Variants in OPALIN observed in about 807,000 individuals in gnomAD.
OPALIN encodes oligodendrocytic myelin paranodal and inner loop protein, also known as transmembrane protein 10.
Under a neutral mutation model 17.8 loss-of-function variants are expected in OPALIN, and 15 were observed. The observed-to-expected ratio is 0.84, with a 90% CI of 0.56 to 1.29. The LOEUF is 1.29. OPALIN is among the 50% of genes most tolerant of loss of function. The pLI is 0.00. For synonymous variants in OPALIN, 62 were observed against 63.8 expected (o/e 0.97, Z 0.14); for missense variants, 170 against 176.0 (o/e 0.97, Z 0.19).
Position 96,354,862 on chromosome 10 carries a change from G to A in OPALIN, c.39+393C>T, listed in dbSNP as rs538599487. Among the ~76,000 whole-genome samples the A allele has an allele frequency of 5.5e-4, 84 of 152,086 alleles. 2 individuals carry two copies. Among genetic ancestry groups the A allele is most frequent in the African/African-American group, 1.9e-3 (80 of 41,444 alleles). ...TATAATCCCAGCACTTTGGGAGGCTGAGGTGGGCGGATCACCTGAGGTCAG... is the reference window on the plus strand; with the variant it reads ...TATAATCCCAGCACTTTGGGAGGCTAAGGTGGGCGGATCACCTGAGGTCAG... On this transcript the variant is annotated intron_variant, in intron 2 of 5. Coordinates refer to ENST00000371172, the MANE Select transcript of OPALIN (RefSeq NM_033207.5).
intron 4 of OPALIN, among the ~76,000 whole-genome samples, 163 bp from the exon 5 acceptor site, chr10:96,348,508 C>A (rs1845435608): frequency 6.6e-6 from 1 of 152,100 alleles, no homozygotes; most frequent in Non-Finnish European, 1.5e-5. Flanking sequence ...ACCCCTCAAA[C>A]CAAACCAAAC....
In OPALIN at chr10:96,353,501, A is replaced by C. The variant is rs748297341; in HGVS notation, c.39+1754T>G. 6.4e-6 allele frequency: 9 copies of C among 1,406,810 alleles called. No individual in the cohort carries two copies. In the Admixed American group the frequency reaches 1.0e-4, roughly 16 times the overall value. 87.1% of individuals were successfully genotyped at this position (1,406,810 alleles called of 1,614,324 possible). ...ACTTTCAGTGCTAAAAACAGACAAC[A>C]CCAGGCAAAGCAAAATGGTTGGTTG... On this transcript the variant is annotated intron_variant, in intron 2 of 5. Coordinates refer to ENST00000371172, the MANE Select transcript of OPALIN (RefSeq NM_033207.5).
chr10:96,355,837 G>A (rs545836432), intron 1 of OPALIN, among the ~76,000 whole-genome samples: 1 of 152,184 alleles, frequency 6.6e-6, no homozygotes, highest in African/African-American at 2.4e-5. Flanking sequence ...GTGGCCAGGA[G>A]GACAGGGGAA....
intron 2 of OPALIN, among the ~76,000 whole-genome samples, 142 bp downstream of exon 2, chr10:96,355,096 CAAAAAAAAAAAAAAAAA>C (rs56995726): frequency 0.012 from 553 of 45,186 alleles, 8 homozygotes; most frequent in African/African-American, 0.047. Context: ...GACCTTGTCT[CAAAAAAAAAAAAAAAAA>C]AAAAAAAAAA....
At chr10:96,352,345 A>C (rs1845620062) in intron 2 of OPALIN, among the ~76,000 whole-genome samples, 4 of 152,046 alleles carry the variant, frequency 2.6e-5, no homozygotes. Context: ...ATTTTACAAA[A>C]AAAAAATGTA....
intron 2 of OPALIN, among the ~76,000 whole-genome samples, chr10:96,352,879 C>T (rs1845645493): frequency 6.6e-6 from 1 of 152,212 alleles, no homozygotes; most frequent in South Asian, 2.1e-4. Context: ...CTGATGTTTG[C>T]TTCTCTCTTT....
Position 96,346,107 on chromosome 10 carries a change from C to T in OPALIN, c.260G>A (p.Arg87Lys). Residue 87 changes from arginine (R) to lysine (K), a missense_variant, in exon 6 of 6, where the codon AGA becomes AAA. By Grantham distance (26) the Arg-to-Lys change is conservative. Coordinates refer to ENST00000371172, the MANE Select transcript of OPALIN (RefSeq NM_033207.5). The stretch of plus-strand genomic sequence containing the variant: ...CGTATTCTTCTCATGTGTGGGTGAT[C>T]TCCTAGGATTCTTAAGGAAACAAAT... ...DNPKISENPRRSPTHEKNTMG... is the reference protein window; with the variant it reads ...DNPKISENPRKSPTHEKNTMG... 1 of 1,613,540 alleles carries T rather than the reference C, an allele frequency of 6.2e-7. No homozygotes were observed. The highest frequency in any genetic ancestry group is 1.1e-5 in the South Asian group (1 of 90,890).
chr10:96,349,478 C>T (rs1457709502), intron 4 of OPALIN, among the ~76,000 whole-genome samples: 2 of 152,214 alleles, frequency 1.3e-5, no homozygotes, highest in Non-Finnish European at 2.9e-5. Context: ...ACCCCAAATA[C>T]CATCTTTGTC....
Position 96,345,204 on chromosome 10 carries a change from A to G in OPALIN, c.*737T>C, listed in dbSNP as rs1845263293. ...AGAAGGTGGTAGAGAGAGAGAACTA[A>G]CATTTTGACTGGCAACTAAGTAGCA... On this transcript the variant is annotated 3_prime_UTR_variant, in exon 6 of 6. Transcript: ENST00000371172. 1 of 152,244 alleles carries G rather than the reference A, an allele frequency of 6.6e-6. No individual in the cohort carries two copies. The highest frequency in any genetic ancestry group is 2.1e-4 in the South Asian group (1 of 4,834). The allele number at this position is 152,244 out of a possible 1,614,324, so 9.4% of individuals were successfully genotyped here. A position where few individuals can be genotyped will look rare whatever the true frequency, so the allele number is the denominator to read the frequency against.
At chr10:96,346,545 TG>T (rs1181423136) in intron 5 of OPALIN, among the ~76,000 whole-genome samples, 1 of 152,248 alleles carries the variant, frequency 6.6e-6, no homozygotes, top group Non-Finnish European at 1.5e-5. Context: ...ACATTTAATG[TG>T]ATCATTGATA....
chr10:96,346,389 C>T lies in OPALIN; in HGVS notation c.250-272G>A, dbSNP rs548205434. On this transcript the variant is annotated intron_variant, in intron 5 of 5. Transcript: ENST00000371172. ...TCAACTATCTTTTGTTTATTGTTAACAAAGTTTCTCATTTTTTGTCTTTTA... is the reference window on the plus strand; with the variant it reads ...TCAACTATCTTTTGTTTATTGTTAATAAAGTTTCTCATTTTTTGTCTTTTA... Among the ~76,000 whole-genome samples the T allele has an allele frequency of 2.3e-4, 35 of 152,306 alleles. No homozygotes were observed. In the South Asian group the frequency reaches 6.4e-3, roughly 28 times the overall value.
rs1350136923 is a variant in OPALIN at position 96,358,934 on chromosome 10, C to T, written c.-38G>A. 3.1e-6 allele frequency: 5 copies of T among 1,611,896 alleles called. No homozygotes were observed. The highest frequency in any genetic ancestry group is 2.2e-5 in the South Asian group (2 of 91,018). On this transcript the variant is annotated 5_prime_UTR_variant, in exon 1 of 6. Transcript: ENST00000371172. ...CCCAGGAACCTTCTTCGTACACTGC[C>T]TTTGGTAAGCTCCTTTCTCACTGGC...
In OPALIN at chr10:96,346,047, G is replaced by A; in HGVS notation, c.320C>T (p.Thr107Ile). The A allele has an allele frequency of 6.2e-7, 1 of 1,614,096 alleles. No homozygotes were observed. Among genetic ancestry groups the A allele is most frequent in the South Asian group, 1.1e-5 (1 of 91,074 alleles). The change falls in exon 6 of 6, where the codon ACT becomes ATT. Residue 107 changes from threonine (T) to isoleucine (I), a missense_variant. Coordinates refer to ENST00000371172, the MANE Select transcript of OPALIN (RefSeq NM_033207.5). ...CACAGGTTCCTCGCTTCCTGCTACA[G>A]TCTTCACATATATGTGGGCCTCTTG... ...GAQEAHIYVK[T>I]VAGSEEPVHD...
chr10:96,343,273 T>C lies in OPALIN; in HGVS notation c.*2668A>G, dbSNP rs1181624481. Reference sequence around the variant, plus strand: ...TTTCACTTCATTCCAACATAAGTTCTTGTGTATCATAGCAGAAGTAAATGA... The same window carrying C: ...TTTCACTTCATTCCAACATAAGTTCCTGTGTATCATAGCAGAAGTAAATGA... On this transcript the variant is annotated 3_prime_UTR_variant, in exon 6 of 6. Transcript: ENST00000371172. 3.9e-5 allele frequency: 6 copies of C among 152,256 alleles called. No individual in the cohort carries two copies. Among genetic ancestry groups the C allele is most frequent in the Non-Finnish European group, 8.8e-5 (6 of 68,042 alleles). The allele number at this position is 152,256 out of a possible 1,614,324, so 9.4% of individuals were successfully genotyped here.
rs574941519 is a variant in OPALIN, at chr10:96,355,662, C to T, written c.4-372G>A. On this transcript the variant is annotated intron_variant, in intron 1 of 5. Transcript: ENST00000371172. ...TATTCCCTCTAGAACTCCTTTGAGA[C>T]AGAAAACTGTTGAATTTAGAAGTAT... Among the ~76,000 whole-genome samples the T allele has an allele frequency of 1.3e-4, 20 of 152,338 alleles. No homozygotes were observed. In the East Asian group the frequency reaches 3.9e-3, roughly 29 times the overall value.
intron 4 of OPALIN, among the ~76,000 whole-genome samples, chr10:96,348,601 G>A (rs2146393): frequency 0.16 from 24,246 of 151,960 alleles, 2,577 homozygotes; most frequent in East Asian, 0.53. Context: ...ATTGGCCATG[G>A]GTTAATAATT....
chr10:96,353,149 A>G (rs4424609), intron 2 of OPALIN, among the ~76,000 whole-genome samples: 22,981 of 152,232 alleles, frequency 0.15, 2,430 homozygotes, highest in East Asian at 0.53. Context: ...TGGCTCTGGG[A>G]TCCATGCTCT....
At chr10:96,355,905 A>G (rs1845799365) in intron 1 of OPALIN, among the ~76,000 whole-genome samples, 1 of 152,162 alleles carries the variant, frequency 6.6e-6, no homozygotes, top group Admixed American at 6.5e-5. Flanking sequence ...TCTCCCGCAA[A>G]TATGGAGTCC....
intron 4 of OPALIN, among the ~76,000 whole-genome samples, chr10:96,348,909 T>C (rs1845454190): frequency 6.6e-6 from 1 of 152,186 alleles, no homozygotes; most frequent in Admixed American, 6.5e-5. Flanking sequence ...TCTCATTTCA[T>C]CCTTATAACT....
Sources: allele counts gnomAD v4.1 joint callset (sites outside exome capture counted in the v4.1 genomes callset), GRCh38; gene constraint gnomAD v4.1.1; transcripts MANE v1.5; gene names NCBI Gene and HGNC (gene_info 2026-07-23, HGNC 2026-07-21).